MLLT3: variants seen among roughly 807,000 people sequenced by gnomAD.
MLLT3 encodes the protein MLLT3 super elongation complex subunit, also known as protein AF-9.
A neutral mutation model predicts 53.2 loss-of-function variants in MLLT3; 4 were observed. That is an observed-to-expected ratio of 0.08 (90% CI 0.04 to 0.17). The LOEUF (loss-of-function observed/expected upper bound fraction) is 0.17. MLLT3 is among the 10% of genes least tolerant of loss of function. The pLI, the probability that MLLT3 is intolerant of heterozygous loss-of-function variation, is 1.00. For missense variants in MLLT3, 569 were observed against 684.0 expected (o/e 0.83, Z 1.87); for synonymous variants, 283 against 230.6 (o/e 1.23, Z -2.06).
intron 6 of MLLT3, among the ~76,000 whole-genome samples, chr9:20,363,894 A>G (rs1291319560): frequency 6.6e-6 from 1 of 152,222 alleles, no homozygotes; most frequent in Non-Finnish European, 1.5e-5. Context: ...CATAAAAAGA[A>G]AAAGAAAAAT....
chr9:20,458,772 G>A (rs1018742747), intron 2 of MLLT3, among the ~76,000 whole-genome samples: 1 of 152,190 alleles, frequency 6.6e-6, no homozygotes, highest in African/African-American at 2.4e-5. Flanking sequence ...CCAGTGGATG[G>A]TACTTTGTTA....
At chr9:20,522,833 T>C (rs180846002) in intron 2 of MLLT3, among the ~76,000 whole-genome samples, 15 of 152,288 alleles carry the variant, frequency 9.8e-5, no homozygotes, top group Non-Finnish European at 1.9e-4. Flanking sequence ...TGGTGGTGCG[T>C]GCCTGTAGGG....
Position 20,541,860 on chromosome 9 carries a change from C to T in MLLT3, c.193+78794G>A, listed in dbSNP as rs528419237. ...ATTCTACCTCTTTTAGTACACCTAC[C>T]ATATCTGCAGTCATTTCCTCCACTG... On this transcript the variant is annotated intron_variant, in intron 2 of 10. Coordinates refer to ENST00000380338, the MANE Select transcript of MLLT3 (RefSeq NM_004529.4). Among the ~76,000 whole-genome samples the T allele has an allele frequency of 2.2e-4, 34 of 152,240 alleles. No homozygotes were observed. The South Asian group carries it at 3.3e-3, about 15-fold the overall frequency.
At chr9:20,354,519 C>G (rs1244621757) in intron 9 of MLLT3, among the ~76,000 whole-genome samples, 2 of 152,216 alleles carry the variant, frequency 1.3e-5, no homozygotes, top group Non-Finnish European at 1.5e-5. Context: ...CCTTAATATT[C>G]TATCTCTACC....
chr9:20,393,614 A>C (rs1198976796), intron 5 of MLLT3, among the ~76,000 whole-genome samples: 1 of 152,238 alleles, frequency 6.6e-6, no homozygotes, highest in East Asian at 1.9e-4. Context: ...TCAGTGCCTG[A>C]AGACTGTAAA....
intron 5 of MLLT3, chr9:20,411,258 GATGCCAGGT>G (rs1389281658): frequency 1.3e-5 from 2 of 153,288 alleles, no homozygotes; most frequent in Non-Finnish European, 2.9e-5. Flanking sequence ...TGGCAGGAGG[GATGCCAGGT>G]AGGACAGGTA....
chr9:20,457,216 T>G (rs918861163), intron 2 of MLLT3, among the ~76,000 whole-genome samples: 1 of 150,682 alleles, frequency 6.6e-6, no homozygotes, highest in Non-Finnish European at 1.5e-5. Context: ...CTGACTTGTC[T>G]GAGATGTCCT....
chr9:20,621,915 G>C lies in MLLT3; in HGVS notation c.12+330C>G. 1 of 1,388,660 alleles carries C rather than the reference G, an allele frequency of 7.2e-7. No homozygotes were observed. Among genetic ancestry groups the C allele is most frequent in the Non-Finnish European group, 9.3e-7 (1 of 1,078,118 alleles). 86.0% of individuals were successfully genotyped at this position (1,388,660 alleles called of 1,614,324 possible). A position where few individuals can be genotyped will look rare whatever the true frequency, so the allele number is the denominator to read the frequency against. On this transcript the variant is annotated intron_variant, in intron 1 of 10. Transcript: ENST00000380338. The surrounding 1 kb of genome is among the most constrained non-coding windows in gnomAD (Gnocchi z 7.0). ...GCCTCCTTCCACCGTGTGTGTGTGT[G>C]TGTGTGAGTGCGCGCGTGTGAGCGA...
intron 2 of MLLT3, among the ~76,000 whole-genome samples, chr9:20,594,537 G>A (rs1013679415): frequency 6.6e-6 from 1 of 152,132 alleles, no homozygotes; most frequent in Admixed American, 6.6e-5. Flanking sequence ...AATAGGGGCT[G>A]GGTAAAATAA....
intron 2 of MLLT3, among the ~76,000 whole-genome samples, chr9:20,591,476 T>C (rs1820128393): frequency 6.6e-6 from 1 of 152,158 alleles, no homozygotes; most frequent in Non-Finnish European, 1.5e-5. Flanking sequence ...AATGAACTTA[T>C]AAACAGATAT....
At chr9:20,571,625 G>A (rs1310260018) in intron 2 of MLLT3, among the ~76,000 whole-genome samples, 1 of 152,048 alleles carries the variant, frequency 6.6e-6, no homozygotes, top group African/African-American at 2.4e-5. Flanking sequence ...GGTGTGTGAT[G>A]TTCCCCATCC....
At chr9:20,413,690 G>T (rs959769592) in intron 5 of MLLT3, 31 bp downstream of exon 5, 3 of 1,505,614 alleles carry the variant, frequency 2.0e-6, no homozygotes, top group Non-Finnish European at 2.7e-6. Flanking sequence ...GAAAATAAGG[G>T]AAAGGAAGAA....
At chr9:20,376,368 T>C (rs555602030) in intron 5 of MLLT3, among the ~76,000 whole-genome samples, 2 of 152,298 alleles carry the variant, frequency 1.3e-5, no homozygotes, top group Admixed American at 6.5e-5. Context: ...TTTCTGATGA[T>C]AGAGCAAGAT....
chr9:20,542,762 C>A (rs1000284836), intron 2 of MLLT3, among the ~76,000 whole-genome samples: 1 of 152,142 alleles, frequency 6.6e-6, no homozygotes, highest in Non-Finnish European at 1.5e-5. Flanking sequence ...CCATCCTGTC[C>A]TTTGAAGATT....
intron 10 of MLLT3, 48 bp downstream of exon 10, chr9:20,353,477 C>G: frequency 6.5e-7 from 1 of 1,544,306 alleles, no homozygotes; most frequent in Non-Finnish European, 9.0e-7. Context: ...CAGGACAAAC[C>G]AAGTCTTGAA....
At chr9:20,473,721 TA>T in intron 2 of MLLT3, among the ~76,000 whole-genome samples, 1 of 151,640 alleles carries the variant, frequency 6.6e-6, no homozygotes, top group African/African-American at 2.4e-5. Flanking sequence ...GAAAACCATT[TA>T]AAAAAAAGCA....
At chr9:20,450,538 G>T (rs536362304) in intron 3 of MLLT3, among the ~76,000 whole-genome samples, 1 of 152,098 alleles carries the variant, frequency 6.6e-6, no homozygotes, top group South Asian at 2.1e-4. Flanking sequence ...AGCATCTGCA[G>T]TTCCCCAATA....
chr9:20,395,817 C>T lies in MLLT3; in HGVS notation c.1125+17904G>A, dbSNP rs1456906009. 5.3e-5 allele frequency among the ~76,000 whole-genome samples: 8 copies of T among 152,130 alleles called. No homozygotes were observed. In the East Asian group the frequency reaches 1.3e-3, roughly 26 times the overall value. ...ATGCCCTCCGATAGATTAAAACATG[C>T]CAGCCAAGTCTGCACTTTTATAGGC... On this transcript the variant is annotated intron_variant, in intron 5 of 10. Transcript: ENST00000380338.
At chr9:20,582,319 GTAACCACTCA>G (rs1419128640) in intron 2 of MLLT3, among the ~76,000 whole-genome samples, 1 of 152,126 alleles carries the variant, frequency 6.6e-6, no homozygotes, top group African/African-American at 2.4e-5. Flanking sequence ...ATAACGTCAT[GTAACCACTCA>G]TAACAGTATC....
Sources: allele counts gnomAD v4.1 joint callset (sites outside exome capture counted in the v4.1 genomes callset), GRCh38; gene constraint gnomAD v4.1.1; non-coding constraint Gnocchi (gnomAD v3.1); transcripts MANE v1.5; gene names NCBI Gene and HGNC (gene_info 2026-07-23, HGNC 2026-07-21).